The following CAPZA1 variants were observed in gnomAD, a reference collection of about 807,000 sequenced individuals.
CAPZA1 encodes the protein capping actin protein of muscle Z-line subunit alpha 1.
In CAPZA1, 10 loss-of-function variants were observed where a neutral mutation model predicts 40.8. The ratio of observed to expected loss-of-function variants is 0.25; its 90% CI spans 0.15 to 0.42. CAPZA1 has a LOEUF of 0.42. Among genes scored for constraint, CAPZA1 ranks in the 10% least tolerant of loss-of-function variants. The probability of loss-of-function intolerance (pLI) is 1.00; values close to 1 mark genes in which losing one functional copy is unlikely to be tolerated. For synonymous variants in CAPZA1, 98 were observed against 115.0 expected (o/e 0.85, Z 0.95); for missense variants, 277 against 353.8 (o/e 0.78, Z 1.74).
At position 112,652,804 on chromosome 1, in the gene CAPZA1, C is replaced by T. The variant is rs1570718419; in HGVS notation, c.156-794C>T. On this transcript the variant is annotated intron_variant, in intron 3 of 9. Transcript: ENST00000263168. ...GCTCTTATTTCCATCTTTCTTTTAT[C>T]TTGTCTTTTGCTTTAGCTTTGTAAA... Among the ~76,000 whole-genome samples the T allele has an allele frequency of 3.3e-5, 5 of 151,986 alleles. No homozygotes were observed. In the South Asian group the frequency reaches 1.0e-3, roughly 31 times the overall value.
intron 1 of CAPZA1, 51 bp downstream of exon 1, chr1:112,619,934 G>T (rs931749815): frequency 8.1e-6 from 12 of 1,482,244 alleles, no homozygotes; most frequent in Non-Finnish European, 1.1e-5. Context: ...GGGAACTGGG[G>T]CCCGGCCCGG....
chr1:112,647,123 G>A, intron 1 of CAPZA1, 87 bp from the exon 2 acceptor site: 1 of 622,762 alleles, frequency 1.6e-6, no homozygotes, highest in Non-Finnish European at 2.6e-6. Context: ...CAAGGGATAT[G>A]ATGAAAATTT....
intron 3 of CAPZA1, among the ~76,000 whole-genome samples, chr1:112,651,246 TA>T (rs1264874966): frequency 2.6e-5 from 4 of 152,206 alleles, no homozygotes; most frequent in Non-Finnish European, 5.9e-5. Flanking sequence ...TGTTGTAAGT[TA>T]TGTTAAAGAG....
intron 1 of CAPZA1, among the ~76,000 whole-genome samples, chr1:112,639,810 A>G (rs1482758040): frequency 7.2e-6 from 1 of 138,394 alleles, no homozygotes; most frequent in Non-Finnish European, 1.6e-5. Flanking sequence ...GGCCGCCCCT[A>G]CTGGGAAGTG....
chr1:112,622,846 T>TGA (rs1183504308), intron 1 of CAPZA1, among the ~76,000 whole-genome samples: 3 of 152,038 alleles, frequency 2.0e-5, no homozygotes, highest in African/African-American at 7.2e-5. Context: ...AGATGAAATA[T>TGA]GAGGGCTTTG....
chr1:112,629,622 A>T (rs1260465956), intron 1 of CAPZA1, among the ~76,000 whole-genome samples: 2 of 152,232 alleles, frequency 1.3e-5, no homozygotes, highest in African/African-American at 4.8e-5. Flanking sequence ...TGAGGACTCC[A>T]GTACTTCTGT....
chr1:112,631,011 G>A (rs1670907781), intron 1 of CAPZA1, among the ~76,000 whole-genome samples: 1 of 152,152 alleles, frequency 6.6e-6, no homozygotes, highest in Admixed American at 6.6e-5. Context: ...CTTTTAAACT[G>A]ATGCCCAAGC....
chr1:112,659,684 T>G lies in CAPZA1; in HGVS notation c.507-17T>G, dbSNP rs755747484. The G allele has an allele frequency of 1.2e-6, 2 of 1,604,484 alleles. No individual in the cohort carries two copies. Among genetic ancestry groups the G allele is most frequent in the African/African-American group, 2.7e-5 (2 of 74,640 alleles). On this transcript the variant is annotated splice_polypyrimidine_tract_variant and intron_variant, in intron 6 of 9. Transcript: ENST00000263168. ...GCTTATTGCTAATTCTGCAATGTTGTGTGTGTGTTTTAATAGGAATGGTCG... is the reference window on the plus strand; with the variant it reads ...GCTTATTGCTAATTCTGCAATGTTGGGTGTGTGTTTTAATAGGAATGGTCG...
chr1:112,668,044 G>A (rs1557739302), intron 8 of CAPZA1, among the ~76,000 whole-genome samples: 1 of 152,046 alleles, frequency 6.6e-6, no homozygotes, highest in Admixed American at 6.5e-5. Context: ...CCAGCACTTT[G>A]GGAGGTCGAG....
chr1:112,632,569 G>A lies in CAPZA1; in HGVS notation c.39+12686G>A, dbSNP rs1191748766. Among the ~76,000 whole-genome samples the A allele has an allele frequency of 1.3e-5, 2 of 152,076 alleles. 1 individual carries two copies. The highest frequency in any genetic ancestry group is 1.3e-4 in the Admixed American group (2 of 15,266). On this transcript the variant is annotated intron_variant, in intron 1 of 9. Transcript: ENST00000263168. ...CAGGCCAAAGACAGGGGGATGTGGGGCAGGGAGGCGGGGTGGGGTGTCAAA... is the reference window on the plus strand; with the variant it reads ...CAGGCCAAAGACAGGGGGATGTGGGACAGGGAGGCGGGGTGGGGTGTCAAA...
intron 7 of CAPZA1, among the ~76,000 whole-genome samples, chr1:112,664,998 A>G (rs1286938678): frequency 6.6e-6 from 1 of 152,212 alleles, no homozygotes; most frequent in Non-Finnish European, 1.5e-5. Context: ...TGTCTAACAC[A>G]TAGTAAAGGC....
At chr1:112,642,127 A>G (rs1294289428) in intron 1 of CAPZA1, among the ~76,000 whole-genome samples, 1 of 150,408 alleles carries the variant, frequency 6.6e-6, no homozygotes, top group African/African-American at 2.4e-5. Flanking sequence ...CTGTACTCGG[A>G]ATGCCTTCCT....
rs562459071 is a variant in CAPZA1, at chr1:112,659,328, T to G, written c.506+227T>G. ...ACAAGTGATTAGTAAAGTGCCCTGT[T>G]GAAAATCTGAGTTTTACTTGGCTTA... is the stretch of plus-strand genomic sequence containing the variant. On this transcript the variant is annotated intron_variant, in intron 6 of 9. Coordinates refer to ENST00000263168, the MANE Select transcript of CAPZA1 (RefSeq NM_006135.3). The G allele has an allele frequency of 1.5e-5, 8 of 549,870 alleles. No individual in the cohort carries two copies. In the East Asian group the frequency reaches 2.4e-4, roughly 16 times the overall value. The allele number at this position is 549,870 out of a possible 1,614,324, so 34.1% of individuals were successfully genotyped here. A position where few individuals can be genotyped will look rare whatever the true frequency, so the allele number is the denominator to read the frequency against.
chr1:112,659,922 G>A, intron 7 of CAPZA1, 143 bp downstream of exon 7: 1 of 644,076 alleles, frequency 1.6e-6, no homozygotes. Context: ...CCTCCTTCTT[G>A]GGGTGGTAAA....
At chr1:112,664,041 G>C (rs1191193961) in intron 7 of CAPZA1, among the ~76,000 whole-genome samples, 1 of 151,974 alleles carries the variant, frequency 6.6e-6, no homozygotes, top group Non-Finnish European at 1.5e-5. Context: ...AGACCAGCCT[G>C]GGCAACACAG....
At chr1:112,622,435 C>T (rs1227344078) in intron 1 of CAPZA1, among the ~76,000 whole-genome samples, 1 of 152,136 alleles carries the variant, frequency 6.6e-6, no homozygotes, top group Non-Finnish European at 1.5e-5. Flanking sequence ...AACTTGAGCT[C>T]TTTAGTTACA....
chr1:112,624,604 T>C (rs1407266068), intron 1 of CAPZA1, among the ~76,000 whole-genome samples: 5 of 8,492 alleles, frequency 5.9e-4, no homozygotes, highest in African/African-American at 2.2e-3. Flanking sequence ...CAAAACTCCA[T>C]CAAAAAAAAA....
intron 2 of CAPZA1, among the ~76,000 whole-genome samples, chr1:112,648,686 G>A (rs1362979995): frequency 1.3e-5 from 2 of 151,724 alleles, no homozygotes; most frequent in Non-Finnish European, 2.9e-5. Context: ...TAACAGGCCA[G>A]GCGTGGTGGC....
At chr1:112,665,779 G>T (rs897605689) in intron 7 of CAPZA1, among the ~76,000 whole-genome samples, 2 of 151,960 alleles carry the variant, frequency 1.3e-5, no homozygotes, top group Non-Finnish European at 2.9e-5. Context: ...CCTCCCAAAG[G>T]CCCCTCCTCT....
Sources: allele counts gnomAD v4.1 joint callset (sites outside exome capture counted in the v4.1 genomes callset), GRCh38; gene constraint gnomAD v4.1.1; transcripts MANE v1.5; gene names NCBI Gene and HGNC (gene_info 2026-07-23, HGNC 2026-07-21).